CFH: variants seen among roughly 807,000 people sequenced by gnomAD.
The protein encoded by CFH is H factor 1 (complement).
A neutral mutation model predicts 147.3 loss-of-function variants in CFH; 53 were observed. The observed-to-expected ratio is 0.36, with a 90% CI of 0.29 to 0.45. The LOEUF (loss-of-function observed/expected upper bound fraction) is 0.45, where lower values mean the gene tolerates loss of function less well. Ranked by LOEUF, CFH falls within the 20% of genes least tolerant of loss-of-function variation. The pLI is 1.00. For synonymous variants in CFH, 536 were observed against 489.4 expected (o/e 1.10, Z -1.26); for missense variants, 1,380 against 1,498.0 (o/e 0.92, Z 1.30).
intron 9 of CFH, among the ~76,000 whole-genome samples, chr1:196,706,505 G>A (rs190236345): frequency 1.3e-5 from 2 of 152,190 alleles, no homozygotes; most frequent in Admixed American, 1.3e-4. Flanking sequence ...ATAAACTTCA[G>A]CCTAAAATCC....
chr1:196,740,487 G>A, intron 17 of CFH, 132 bp from the exon 18 acceptor site: 1 of 873,468 alleles, frequency 1.1e-6, no homozygotes, highest in Non-Finnish European at 1.7e-6. Context: ...GGAAACATTT[G>A]TGTTACTTCT....
chr1:196,718,992 A>G (rs1402726314), intron 11 of CFH, among the ~76,000 whole-genome samples: 1 of 152,086 alleles, frequency 6.6e-6, no homozygotes, highest in Non-Finnish European at 1.5e-5. Context: ...GTATATTTCA[A>G]GTGTCCTAGG....
chr1:196,743,628 G>A lies in CFH; in HGVS notation c.3310G>A (p.Asp1104Asn), dbSNP rs932614951. The A allele has an allele frequency of 1.2e-6, 2 of 1,613,768 alleles. No homozygotes were observed. Among genetic ancestry groups the A allele is most frequent in the African/African-American group, 2.7e-5 (2 of 74,912 alleles). The change falls in exon 20 of 22, where the codon GAT (aspartate) becomes AAT (asparagine). Residue 1104 changes from aspartate to asparagine, a missense_variant and splice_region_variant. Transcript: ENST00000367429. The stretch of plus-strand genomic sequence containing the variant: ...CTGGACGGAACCACCTCAATGCAAA[G>A]GTAGAGTATTATATTTCTTTTAACA... ...GNWTEPPQCK[D>N]STGKCGPPPP...
chr1:196,713,770 G>C lies in CFH; in HGVS notation c.1372G>C (p.Gly458Arg). ...CSKSSIDIEN[G>R]FISESQYTYA... Reference sequence around the variant, plus strand: ...CAAATCAAGTATAGATATTGAGAATGGGTTTATTTCTGAATCTCAGTATAC... The same window carrying C: ...CAAATCAAGTATAGATATTGAGAATCGGTTTATTTCTGAATCTCAGTATAC... Residue 458 changes from glycine to arginine, a missense_variant, in exon 10 of 22, where the codon GGG becomes CGG. Gly to Arg is a moderately radical substitution (Grantham distance 125). Transcript: ENST00000367429. The C allele has an allele frequency of 6.3e-7, 1 of 1,599,804 alleles. No individual in the cohort carries two copies. Among genetic ancestry groups the C allele is most frequent in the Non-Finnish European group, 8.6e-7 (1 of 1,167,952 alleles).
Position 196,741,829 on chromosome 1 carries a change from T to C in CFH, c.2957-46T>C, listed in dbSNP as rs113158961. 3.9e-5 allele frequency: 61 copies of C among 1,564,844 alleles called. No homozygotes were observed. The African/African-American group carries it at 6.1e-4, about 16-fold the overall frequency. ...TCCATTACATGTATTGTATGTAACCTATTTTTAAAGATTTGCGGAACAAAT... is the reference window on the plus strand; with the variant it reads ...TCCATTACATGTATTGTATGTAACCCATTTTTAAAGATTTGCGGAACAAAT... On this transcript the variant is annotated intron_variant, in intron 18 of 21. Transcript: ENST00000367429.
chr1:196,675,623 C>A (rs1667427145), intron 3 of CFH, among the ~76,000 whole-genome samples: 1 of 151,778 alleles, frequency 6.6e-6, no homozygotes, highest in African/African-American at 2.4e-5. Flanking sequence ...TTAGATAATT[C>A]AATGAAAAAT....
At chr1:196,690,541 AT>A (rs763924526) in intron 9 of CFH, among the ~76,000 whole-genome samples, 7 of 152,110 alleles carry the variant, frequency 4.6e-5, no homozygotes, top group Non-Finnish European at 1.0e-4. Flanking sequence ...GTCTGGGTAA[AT>A]ATCTGAGGTT....
At chr1:196,671,310 G>A (rs906816065) in intron 1 of CFH, among the ~76,000 whole-genome samples, 1 of 151,408 alleles carries the variant, frequency 6.6e-6, no homozygotes. Flanking sequence ...TTCTCTTTTT[G>A]TTCACAGTTG....
chr1:196,653,992 C>T (rs906394591), intron 1 of CFH, among the ~76,000 whole-genome samples: 2 of 152,052 alleles, frequency 1.3e-5, no homozygotes, highest in Non-Finnish European at 2.9e-5. Context: ...TAATTTATTC[C>T]TTGTTTCCCA....
chr1:196,659,625 CAGG>C (rs1666836809), intron 1 of CFH, among the ~76,000 whole-genome samples: 1 of 152,036 alleles, frequency 6.6e-6, no homozygotes, highest in African/African-American at 2.4e-5. Context: ...CTGAAATTGC[CAGG>C]AGGAGGATGG....
intron 21 of CFH, among the ~76,000 whole-genome samples, chr1:196,746,367 C>A (rs544633468): frequency 6.6e-6 from 1 of 152,116 alleles, no homozygotes; most frequent in Non-Finnish European, 1.5e-5. Context: ...AGGAAAATGG[C>A]GGGAACCCGG....
chr1:196,668,335 G>A (rs1047790361), intron 1 of CFH, among the ~76,000 whole-genome samples: 1 of 152,232 alleles, frequency 6.6e-6, no homozygotes, highest in Non-Finnish European at 1.5e-5. Flanking sequence ...ACCATTTATA[G>A]AGTTCTCTGC....
At chr1:196,690,828 A>C (rs1667997646) in intron 9 of CFH, among the ~76,000 whole-genome samples, 1 of 152,062 alleles carries the variant, frequency 6.6e-6, no homozygotes, top group East Asian at 1.9e-4. Context: ...CCCCACCCTA[A>C]TCTTATTAAT....
chr1:196,670,916 T>C (rs1667255178), intron 1 of CFH, among the ~76,000 whole-genome samples: 2 of 151,378 alleles, frequency 1.3e-5, no homozygotes, highest in Non-Finnish European at 3.0e-5. Context: ...ATTGTTAGAA[T>C]TCCAATTAAA....
intron 2 of CFH, chr1:196,673,406 G>A (rs1026585986): frequency 1.7e-5 from 8 of 481,070 alleles, no homozygotes; most frequent in African/African-American, 1.2e-4. Flanking sequence ...GCGCTATTTC[G>A]GCTCACTGCA....
chr1:196,655,720 A>G (rs1666662875), intron 1 of CFH, among the ~76,000 whole-genome samples: 1 of 152,042 alleles, frequency 6.6e-6, no homozygotes, highest in African/African-American at 2.4e-5. Context: ...CTGCCACCCA[A>G]TCTATCCCGT....
chr1:196,700,879 G>A (rs1182228547), intron 9 of CFH: 1 of 985,034 alleles, frequency 1.0e-6, no homozygotes, highest in East Asian at 1.1e-4. Flanking sequence ...AACCATTTCT[G>A]GTCTCAGAAG....
chr1:196,662,751 T>G (rs905824340), intron 1 of CFH, among the ~76,000 whole-genome samples: 11 of 151,872 alleles, frequency 7.2e-5, no homozygotes, highest in Non-Finnish European at 1.5e-5. Context: ...GAGAGGTAGT[T>G]TGTGACTGTA....
At chr1:196,695,663 T>G (rs485632) in intron 9 of CFH, among the ~76,000 whole-genome samples, 104,883 of 151,780 alleles carry the variant, frequency 0.69, 36,956 homozygotes, top group East Asian at 0.95. Flanking sequence ...CTATTTATTT[T>G]GGCCCTCTCT....
Sources: allele counts gnomAD v4.1 joint callset (sites outside exome capture counted in the v4.1 genomes callset), GRCh38; gene constraint gnomAD v4.1.1; transcripts MANE v1.5; gene names NCBI Gene and HGNC (gene_info 2026-07-23, HGNC 2026-07-21).